SYNE1: variants seen among roughly 807,000 people sequenced by gnomAD.
SYNE1 encodes the protein nesprin-1.
In SYNE1, 616 loss-of-function variants were observed where a neutral mutation model predicts 1,111.0. The ratio of observed to expected loss-of-function variants is 0.55; its 90% CI spans 0.52 to 0.59. The LOEUF (loss-of-function observed/expected upper bound fraction) is 0.59. SYNE1 is among the 20% of genes least tolerant of loss of function. SYNE1 has a pLI of 0.00. For synonymous variants in SYNE1, 3,855 were observed against 3,825.8 expected (o/e 1.01, Z -0.28); for missense variants, 10,006 against 10,417.0 (o/e 0.96, Z 1.72).
chr6:152,207,824 T>C, intron 125 of SYNE1, 148 bp downstream of exon 125: 1 of 819,432 alleles, frequency 1.2e-6, no homozygotes, highest in Non-Finnish European at 2.1e-6. Flanking sequence ...TGTATTGCAA[T>C]CATTTTGTAT....
intron 3 of SYNE1, among the ~76,000 whole-genome samples, chr6:152,574,893 T>G (rs183424214): frequency 3.9e-5 from 6 of 152,322 alleles, no homozygotes; most frequent in Non-Finnish European, 8.8e-5. Flanking sequence ...TGGTTTGTTT[T>G]TTGTTTTGTT....
At chr6:152,537,943 G>C (rs1251024696) in intron 4 of SYNE1, among the ~76,000 whole-genome samples, 1 of 152,080 alleles carries the variant, frequency 6.6e-6, no homozygotes, top group East Asian at 1.9e-4. Context: ...CTCATAAACG[G>C]TTTGGTTGTC....
chr6:152,465,277 T>A lies in SYNE1; in HGVS notation c.1913A>T (p.Gln638Leu). The change falls in exon 18 of 146, where the codon CAA becomes CTA. Residue 638 changes from glutamine to leucine, a missense_variant. Gln to Leu is a moderately radical substitution (Grantham distance 113). Around this residue, in one of 7 missense-constraint regions of SYNE1, gnomAD observed 1,971 missense variants for 2,084.1 expected, o/e 0.95. Transcript: ENST00000367255. ...WLEDAEKMLNQSENAKKDFFR... is the reference protein window; with the variant it reads ...WLEDAEKMLNLSENAKKDFFR... The stretch of plus-strand genomic sequence containing the variant: ...TCTTACCTTTTTGGCATTTTCTGAT[T>A]GATTGAGCATTTTTTCAGCATCCTC... 6.2e-7 allele frequency: 1 copy of A among 1,613,756 alleles called. No individual in the cohort carries two copies. Among genetic ancestry groups the A allele is most frequent in the Non-Finnish European group, 8.5e-7 (1 of 1,179,736 alleles).
chr6:152,353,972 C>T (rs1004088189), intron 67 of SYNE1, among the ~76,000 whole-genome samples: 8 of 151,984 alleles, frequency 5.3e-5, no homozygotes, highest in Admixed American at 3.3e-4. Context: ...CACTTCAATT[C>T]AAAAATTAAA....
At chr6:152,536,660 C>A (rs1366625880) in intron 4 of SYNE1, among the ~76,000 whole-genome samples, 8 of 151,242 alleles carry the variant, frequency 5.3e-5, no homozygotes, top group Non-Finnish European at 1.0e-4. Flanking sequence ...CTAGCTTTCC[C>A]CCCAAGCCTC....
chr6:152,369,003 G>T lies in SYNE1; in HGVS notation c.9776C>A (p.Ser3259Tyr), dbSNP rs747107752. 8.7e-6 allele frequency: 14 copies of T among 1,614,092 alleles called. No homozygotes were observed. The African/African-American group carries it at 1.9e-4, about 22-fold the overall frequency. Residue 3259 changes from serine to tyrosine, a missense_variant, in exon 61 of 146, where the codon TCT (serine) becomes TAT (tyrosine). Physicochemically the swap from Ser to Tyr is moderately radical, Grantham distance 144 (BLOSUM62 -2). Transcript: ENST00000367255. ...TAAATTGCTTAGCGCTAGATACTGA[G>T]AAGACAGCTGCGACACTCTGTGCCT... ...SFRHRVSQLSSQYLALSNLTK... is the reference protein window; with the variant it reads ...SFRHRVSQLSYQYLALSNLTK...
In SYNE1 at chr6:152,416,896, C is replaced by A; in HGVS notation, c.5541G>T (p.Glu1847Asp). 1 of 1,613,982 alleles carries A rather than the reference C, an allele frequency of 6.2e-7. No individual in the cohort carries two copies. Among genetic ancestry groups the A allele is most frequent in the Non-Finnish European group, 8.5e-7 (1 of 1,179,876 alleles). The change falls in exon 41 of 146, where the codon GAG becomes GAT. Residue 1847 changes from glutamate (E) to aspartate (D), a missense_variant. By Grantham distance (45) the Glu-to-Asp change is conservative (BLOSUM62 2). This residue lies in a region of SYNE1 where 4,955 missense variants were observed against 5,017.2 expected (regional missense o/e 0.99). Transcript: ENST00000367255. ...CCTCCTCAAACAGCTGGAAGCAGTC[C>A]TCAGCCTTTCCCTGCAGGAGGTGGA... ...EDLHLLQGKA[E>D]DCFQLFEEAS...
chr6:152,169,537 G>A (rs1173712257), intron 130 of SYNE1, among the ~76,000 whole-genome samples: 2 of 140,204 alleles, frequency 1.4e-5, no homozygotes, highest in African/African-American at 2.7e-5. Flanking sequence ...ACTCCAGCCT[G>A]GGTGACAGAG....
chr6:152,179,748 G>GAT (rs2067458704), intron 129 of SYNE1, among the ~76,000 whole-genome samples: 1 of 124,776 alleles, frequency 8.0e-6, no homozygotes, highest in Non-Finnish European at 1.6e-5. Flanking sequence ...GCAGTGGCAC[G>GAT]ATCTCGGCTC....
chr6:152,451,001 A>C (rs778476321), intron 26 of SYNE1, 46 bp downstream of exon 26: 1 of 1,613,298 alleles, frequency 6.2e-7, no homozygotes, highest in Non-Finnish European at 8.5e-7. Context: ...TTTATGGAAC[A>C]ATGTGACTTG....
intron 116 of SYNE1, 124 bp from the exon 117 acceptor site, chr6:152,224,788 AC>A: frequency 9.9e-7 from 1 of 1,010,834 alleles, no homozygotes; most frequent in Non-Finnish European, 1.5e-6. Context: ...TCATAAACAA[AC>A]AAAACTAAAA....
chr6:152,457,764 G>A (rs1360072423), intron 22 of SYNE1, among the ~76,000 whole-genome samples: 1 of 151,678 alleles, frequency 6.6e-6, no homozygotes, highest in Non-Finnish European at 1.5e-5. Context: ...TGTTTTCAAA[G>A]TATCAAGAAA....
chr6:152,410,825 T>A (rs1399801328), intron 42 of SYNE1, among the ~76,000 whole-genome samples: 1 of 152,228 alleles, frequency 6.6e-6, no homozygotes, highest in Non-Finnish European at 1.5e-5. Context: ...CACTAAGATT[T>A]AGGTAAAGTG....
chr6:152,331,440 A>G lies in SYNE1; in HGVS notation c.13245T>C (p.Leu4415=), dbSNP rs2096245832. 6.2e-7 allele frequency: 1 copy of G among 1,614,064 alleles called. No homozygotes were observed. The highest frequency in any genetic ancestry group is 1.7e-5 in the Admixed American group (1 of 60,002). Residue 4415 remains leucine, a synonymous_variant, in exon 78 of 146, where the codon CTT becomes CTC. Coordinates refer to ENST00000367255, the MANE Select transcript of SYNE1 (RefSeq NM_182961.4). Reference sequence around the variant, plus strand: ...GGATGACCTGTCGCTCATTGAGACCAAGATCTGCCATGACCCTGTCTGCGT... The same window carrying G: ...GGATGACCTGTCGCTCATTGAGACCGAGATCTGCCATGACCCTGTCTGCGT... ...IKDADRVMAD[L]GLNERQVIQK... is the part of the protein sequence containing the mutation.
At chr6:152,456,602 C>A (rs879436895) in intron 22 of SYNE1, 1 of 333,728 alleles carries the variant, frequency 3.0e-6, no homozygotes, top group Admixed American at 3.9e-5. Flanking sequence ...AGGCAGCAGA[C>A]CGATGCACTT....
chr6:152,141,159 A>G (rs2058465064), intron 139 of SYNE1, 44 bp downstream of exon 139: 1 of 1,613,566 alleles, frequency 6.2e-7, no homozygotes, highest in Non-Finnish European at 8.5e-7. Context: ...GTGCTTCAGG[A>G]TCTTCTATTT....
In SYNE1 at chr6:152,376,779, T is replaced by C. The variant is rs2097289459; in HGVS notation, c.9143A>G (p.Asn3048Ser). The change falls in exon 57 of 146, where the codon AAT becomes AGT. Residue 3048 changes from asparagine (N) to serine (S), a missense_variant. This residue lies in a region of SYNE1 where 4,955 missense variants were observed against 5,017.2 expected (regional missense o/e 0.99). Coordinates refer to ENST00000367255, the MANE Select transcript of SYNE1 (RefSeq NM_182961.4). ...CACCAATAAGGTTCATGCTCACCAA[T>C]TATACTCTTTAATCAAGCCAGAAAC... is the stretch of plus-strand genomic sequence containing the variant. The part of the protein sequence containing the change: ...GKVSGLIKEY[N>S]CLCLQASKGC... 1.9e-6 allele frequency: 3 copies of C among 1,613,720 alleles called. No homozygotes were observed. The highest frequency in any genetic ancestry group is 3.3e-5 in the Admixed American group (2 of 59,998).
chr6:152,271,956 C>A (rs180964105), intron 98 of SYNE1, among the ~76,000 whole-genome samples: 72 of 152,330 alleles, frequency 4.7e-4, no homozygotes, highest in African/African-American at 1.6e-3. Flanking sequence ...GAGCCCAACA[C>A]GCTCTTCTAC....
chr6:152,143,946 A>C, intron 137 of SYNE1, 181 bp from the exon 138 acceptor site: 1 of 829,746 alleles, frequency 1.2e-6, no homozygotes, highest in African/African-American at 1.7e-5. Flanking sequence ...AAATGGCCAA[A>C]CCAATGAAGG....
Sources: allele counts gnomAD v4.1 joint callset (sites outside exome capture counted in the v4.1 genomes callset), GRCh38; gene constraint gnomAD v4.1.1; regional missense constraint gnomAD v4.1.1; transcripts MANE v1.5; gene names NCBI Gene and HGNC (gene_info 2026-07-23, HGNC 2026-07-21).